COX7B2: variants seen among roughly 807,000 people sequenced by gnomAD.
COX7B2 encodes the protein cytochrome c oxidase subunit 7B2.
For missense variants in COX7B2, 109 were observed against 95.9 expected, an observed-to-expected ratio of 1.14 and a Z score of -0.57; for synonymous variants, 37 against 32.1, an observed-to-expected ratio of 1.15 and a Z score of -0.51.
intron 1 of COX7B2, among the ~76,000 whole-genome samples, chr4:46,888,595 C>A (rs769077577): frequency 1.3e-5 from 2 of 151,944 alleles, no homozygotes; most frequent in African/African-American, 2.4e-5. Context: ...AGGCGCCCAC[C>A]ACCATGCCTG....
intron 1 of COX7B2, among the ~76,000 whole-genome samples, 168 bp from the exon 2 acceptor site, chr4:46,845,182 T>C (rs11935374): frequency 6.6e-6 from 1 of 151,960 alleles, no homozygotes; most frequent in East Asian, 1.9e-4. Flanking sequence ...AGAAACAAAG[T>C]TGAAAAGGAA....
In COX7B2 at chr4:46,839,706, A is replaced by C. The variant is rs184162880; in HGVS notation, c.-50+5254T>G. On this transcript the variant is annotated intron_variant, in intron 2 of 2. Coordinates refer to ENST00000355591, the MANE Select transcript of COX7B2 (RefSeq NM_130902.3). ...CTACGTAACTACTGTTGTGCCTATC[A>C]TATTATATATTCTATAGTACACTGT... Among the ~76,000 whole-genome samples the C allele has an allele frequency of 4.5e-3, 681 of 152,180 alleles. 6 individuals carry two copies. Among genetic ancestry groups the C allele is most frequent in the African/African-American group, 0.016 (659 of 41,544 alleles).
chr4:46,764,388 T>C (rs190140031), intron 2 of COX7B2, among the ~76,000 whole-genome samples: 8 of 151,380 alleles, frequency 5.3e-5, no homozygotes, highest in Non-Finnish European at 1.0e-4. Flanking sequence ...CCACTAAAAA[T>C]ACAAAAATTA....
intron 1 of COX7B2, among the ~76,000 whole-genome samples, chr4:46,872,902 C>A (rs1428284263): frequency 6.6e-6 from 1 of 151,964 alleles, no homozygotes; most frequent in Non-Finnish European, 1.5e-5. Context: ...ATACATGCGC[C>A]ATGGTGGTTA....
intron 2 of COX7B2, among the ~76,000 whole-genome samples, chr4:46,738,423 A>G (rs1374652822): frequency 6.6e-6 from 1 of 152,084 alleles, no homozygotes; most frequent in African/African-American, 2.4e-5. Flanking sequence ...AAATCCTTCC[A>G]TAGTTTGCAG....
chr4:46,740,054 C>A (rs891147274), intron 2 of COX7B2, among the ~76,000 whole-genome samples: 2 of 151,562 alleles, frequency 1.3e-5, no homozygotes, highest in Non-Finnish European at 2.9e-5. Flanking sequence ...TAATATGAGA[C>A]CTGGATGATG....
chr4:46,862,925 C>T lies in COX7B2; in HGVS notation c.-104-17911G>A, dbSNP rs1268151519. On this transcript the variant is annotated intron_variant, in intron 1 of 2. Transcript: ENST00000355591. ...AAAATTATTTTGGATGTTTACTGGA[C>T]GTATGGGTCATTTCCAATTAAGAAA... Among the ~76,000 whole-genome samples, 6 of 152,042 alleles carry T rather than the reference C, an allele frequency of 3.9e-5. No homozygotes were observed. In the East Asian group the frequency reaches 9.6e-4, roughly 24 times the overall value.
chr4:46,886,562 C>T (rs936161129), intron 1 of COX7B2, among the ~76,000 whole-genome samples: 1 of 152,066 alleles, frequency 6.6e-6, no homozygotes, highest in Non-Finnish European at 1.5e-5. Context: ...TAATTTAGTC[C>T]TTTGTGTATA....
intron 2 of COX7B2, among the ~76,000 whole-genome samples, chr4:46,770,810 T>C (rs1314664076): frequency 6.6e-6 from 1 of 152,156 alleles, no homozygotes; most frequent in African/African-American, 2.4e-5. Flanking sequence ...TCTTACCCTA[T>C]ATGCAGAATC....
At position 46,781,764 on chromosome 4, in the gene COX7B2, A is replaced by G. The variant is rs565724297; in HGVS notation, c.-49-46523T>C. On this transcript the variant is annotated intron_variant, in intron 2 of 2. Coordinates refer to ENST00000355591, the MANE Select transcript of COX7B2 (RefSeq NM_130902.3). ...GGTGGGCGCAGGCTCAGCAGGCCCC[A>G]CCCTTGGAGTGACCAGCTGGTGCTG... Among the ~76,000 whole-genome samples the G allele has an allele frequency of 1.2e-3, 187 of 152,278 alleles. 1 individual carries two copies. The highest frequency in any genetic ancestry group is 4.3e-3 in the African/African-American group (177 of 41,558).
intron 1 of COX7B2, among the ~76,000 whole-genome samples, chr4:46,906,120 C>A (rs1171195327): frequency 6.6e-6 from 1 of 152,114 alleles, no homozygotes; most frequent in Non-Finnish European, 1.5e-5. Flanking sequence ...TGAGCCACCG[C>A]ACCCGGCCCC....
At chr4:46,735,541 A>G (rs1266566726) in intron 2 of COX7B2, among the ~76,000 whole-genome samples, 2 of 152,206 alleles carry the variant, frequency 1.3e-5, no homozygotes, top group Non-Finnish European at 2.9e-5. Context: ...CATTGACTCT[A>G]CAGACTACAA....
At chr4:46,813,270 G>A (rs1719378694) in intron 2 of COX7B2, among the ~76,000 whole-genome samples, 1 of 152,168 alleles carries the variant, frequency 6.6e-6, no homozygotes, top group Non-Finnish European at 1.5e-5. Flanking sequence ...GCATTCAGAA[G>A]ATTCCATATC....
At chr4:46,842,284 C>T (rs1715979720) in intron 2 of COX7B2, among the ~76,000 whole-genome samples, 1 of 151,956 alleles carries the variant, frequency 6.6e-6, no homozygotes, top group Non-Finnish European at 1.5e-5. Flanking sequence ...GGTTGCTTTC[C>T]TCTATGTGCA....
intron 2 of COX7B2, among the ~76,000 whole-genome samples, chr4:46,800,864 T>C (rs540464982): frequency 1.3e-5 from 2 of 152,126 alleles, no homozygotes; most frequent in East Asian, 1.9e-4. Flanking sequence ...AAACTATGCA[T>C]TCAACAAAGG....
intron 1 of COX7B2, among the ~76,000 whole-genome samples, chr4:46,849,026 AAGAAAAAAAGTC>A (rs896716324): frequency 2.6e-5 from 4 of 152,076 alleles, no homozygotes; most frequent in African/African-American, 9.7e-5. Flanking sequence ...GAATAATGAC[AAGAAAAAAAGTC>A]TGTACATGTC....
chr4:46,868,971 G>A (rs1378743251), intron 1 of COX7B2, among the ~76,000 whole-genome samples: 1 of 152,118 alleles, frequency 6.6e-6, no homozygotes, highest in Non-Finnish European at 1.5e-5. Context: ...TCAGTCGAGT[G>A]TTACAGTCTC....
chr4:46,888,782 C>T (rs1281479434), intron 1 of COX7B2, among the ~76,000 whole-genome samples: 1 of 152,134 alleles, frequency 6.6e-6, no homozygotes, highest in African/African-American at 2.4e-5. Context: ...ATTGATATTA[C>T]TTCCCTACTG....
intron 2 of COX7B2, among the ~76,000 whole-genome samples, chr4:46,799,318 T>C (rs1718530442): frequency 6.6e-6 from 1 of 152,276 alleles, no homozygotes; most frequent in Non-Finnish European, 1.5e-5. Context: ...GAGAGATAGT[T>C]TGACTTTTCT....
Sources: allele counts gnomAD v4.1 joint callset (sites outside exome capture counted in the v4.1 genomes callset), GRCh38; gene constraint gnomAD v4.1.1; transcripts MANE v1.5; gene names NCBI Gene and HGNC (gene_info 2026-07-23, HGNC 2026-07-21).